Variants in TAF1 observed in about 807,000 individuals in gnomAD.
The protein encoded by TAF1 is TATA-box binding protein associated factor 1, also known as transcription initiation factor TFIID subunit 1.
In TAF1, 2 loss-of-function variants were observed where a neutral mutation model predicts 138.5. That is an observed-to-expected ratio of 0.01 (90% CI 0.01 to 0.05). The LOEUF is 0.05. Ranked by LOEUF, TAF1 falls within the 10% of genes least tolerant of loss-of-function variation. The probability of loss-of-function intolerance (pLI) is 1.00; values close to 1 mark genes in which losing one functional copy is unlikely to be tolerated. For missense variants in TAF1, 709 were observed against 1,478.0 expected (o/e 0.48, Z 8.53); for synonymous variants, 437 against 503.2 (o/e 0.87, Z 1.76).
chrX:71,439,882 T>G (rs2037326493), intron 32 of TAF1, among the ~76,000 whole-genome samples: 1 of 112,043 alleles, frequency 8.9e-6, no homozygotes, highest in Non-Finnish European at 1.9e-5. Context: ...ATAGCTGTAC[T>G]TCAGTATCAA....
At chrX:71,494,617 A>G (rs1454314502) in intron 13 of TAF1, among the ~76,000 whole-genome samples, 1 of 111,553 alleles carries the variant, frequency 9.0e-6, no homozygotes, top group Non-Finnish European at 1.9e-5. Flanking sequence ...AAGTGAGTCT[A>G]CTATATAGAG....
intron 17 of TAF1, 45 bp downstream of exon 17, chrX:71,388,913 G>GTT (rs765645687): frequency 9.3e-5 from 90 of 967,758 alleles, no homozygotes; most frequent in South Asian, 1.0e-4. Flanking sequence ...GTGGTTTTTT[G>GTT]TTTTTTTTTT....
At chrX:71,452,270 G>A (rs1159931999) in intron 32 of TAF1, among the ~76,000 whole-genome samples, 7 of 110,493 alleles carry the variant, frequency 6.3e-5, no homozygotes, top group Non-Finnish European at 9.5e-5. Context: ...CAGACGGGGC[G>A]GCTGCCGGGC....
At chrX:71,436,453 G>A (rs2037149690) in intron 32 of TAF1, among the ~76,000 whole-genome samples, 3 of 108,862 alleles carry the variant, frequency 2.8e-5, no homozygotes, top group African/African-American at 1.0e-4. Context: ...CTGACCTCGT[G>A]ATCCGCCTGC....
At chrX:71,420,538 T>G (rs879006559) in intron 28 of TAF1, 1 of 1,207,377 alleles carries the variant, frequency 8.3e-7, no homozygotes, top group Middle Eastern at 3.1e-4. Flanking sequence ...GGCCAGCATT[T>G]CCTGGAGGTG....
intron 13 of TAF1, 115 bp downstream of exon 13, chrX:71,384,250 C>T: frequency 1.2e-6 from 1 of 836,909 alleles, no homozygotes; most frequent in Non-Finnish European, 1.7e-6. Flanking sequence ...AAACTGCAAA[C>T]TTACATACAA....
chrX:71,396,148 C>CA (rs1224922684), intron 22 of TAF1, among the ~76,000 whole-genome samples: 293 of 78,129 alleles, frequency 3.8e-3, no homozygotes, highest in African/African-American at 0.011. Context: ...AACTCCGTCT[C>CA]AAAAAAAAAA....
chrX:71,488,757 T>C (rs1439713123), intron 13 of TAF1, among the ~76,000 whole-genome samples: 1 of 111,077 alleles, frequency 9.0e-6, no homozygotes, highest in Non-Finnish European at 1.9e-5. Flanking sequence ...CCAGGCAGTA[T>C]GCTAGGGCAC....
chrX:71,423,256 C>G lies in TAF1; in HGVS notation c.4575+17C>G. 1 of 1,210,232 alleles carries G rather than the reference C, an allele frequency of 8.3e-7. No homozygotes were observed. Among genetic ancestry groups the G allele is most frequent in the Non-Finnish European group, 1.1e-6 (1 of 894,698 alleles). The stretch of plus-strand genomic sequence containing the variant: ...GTTCCAGATGTAAGCTGTCTCTGTG[C>G]CAAATACTGTGAGGATCGTGCAGGG... On this transcript the variant is annotated intron_variant, in intron 30 of 37. Transcript: ENST00000423759.
intron 28 of TAF1, among the ~76,000 whole-genome samples, chrX:71,420,894 C>T (rs989035406): frequency 2.7e-5 from 3 of 112,670 alleles, no homozygotes; most frequent in East Asian, 5.6e-4. Context: ...GCCCCCTCCC[C>T]GGCCTCCCCA....
chrX:71,464,599 G>A lies in TAF1; in HGVS notation c.*553G>A, dbSNP rs1305458356. The A allele has an allele frequency of 1.6e-5, 3 of 187,507 alleles. No individual in the cohort carries two copies. The highest frequency in any genetic ancestry group is 3.0e-4 in the South Asian group (1 of 3,340). The allele number at this position is 187,507 out of a possible 1,213,427, so 15.5% of individuals were successfully genotyped here. On this transcript the variant is annotated 3_prime_UTR_variant, in exon 38 of 38. Coordinates refer to ENST00000423759, the MANE Select transcript of TAF1 (RefSeq NM_004606.5). ...GTATGCCTGTTAATCCTAGCTACTC[G>A]GGAGGCTGAGGCAGGAGAATTACTT...
At chrX:71,384,894 G>A in intron 13 of TAF1, 51 bp from the exon 14 acceptor site, 1 of 952,825 alleles carries the variant, frequency 1.0e-6, no homozygotes, top group Non-Finnish European at 1.5e-6. Context: ...GTCATATTGT[G>A]TAGGATTATT....
At chrX:71,459,379 T>C in intron 35 of TAF1, 173 bp from the exon 36 acceptor site, 1 of 1,018,981 alleles carries the variant, frequency 9.8e-7, no homozygotes, top group Non-Finnish European at 1.3e-6. Context: ...AATCTGACTT[T>C]AATCCTTGGG....
chrX:71,508,973 A>C (rs934958246), intron 13 of TAF1, among the ~76,000 whole-genome samples: 35 of 108,531 alleles, frequency 3.2e-4, no homozygotes, highest in Non-Finnish European at 5.1e-4. Context: ...CAGCCAATTA[A>C]ATTTTTTTTT....
chrX:71,448,820 CTT>C (rs760089481), intron 32 of TAF1, among the ~76,000 whole-genome samples: 6 of 92,397 alleles, frequency 6.5e-5, no homozygotes, highest in Admixed American at 1.2e-4. Flanking sequence ...TTTTCTTTTT[CTT>C]TTTTTTTTTT....
intron 25 of TAF1, 59 bp from the exon 26 acceptor site, chrX:71,406,579 T>A: frequency 9.0e-7 from 1 of 1,106,061 alleles, no homozygotes; most frequent in Non-Finnish European, 1.2e-6. Flanking sequence ...ATAGTTGCTT[T>A]TTTTCCCCCT....
intron 25 of TAF1, among the ~76,000 whole-genome samples, chrX:71,403,589 A>G (rs59794400): frequency 0.074 from 8,255 of 111,349 alleles, 678 homozygotes; most frequent in African/African-American, 0.24. Flanking sequence ...TTTTTTCTTT[A>G]TAATTAACAT....
At chrX:71,526,337 A>G (rs2039997933) in intron 13 of TAF1, among the ~76,000 whole-genome samples, 1 of 112,374 alleles carries the variant, frequency 8.9e-6, no homozygotes, top group South Asian at 3.6e-4. Context: ...TAGAAATCTA[A>G]GATCATCTAA....
intron 3 of TAF1, among the ~76,000 whole-genome samples, chrX:71,369,629 G>A (rs1397863050): frequency 1.0e-5 from 1 of 98,475 alleles, no homozygotes; most frequent in African/African-American, 3.8e-5. Flanking sequence ...TTTTTGAGAC[G>A]GAGTCTCGCT....
Sources: allele counts gnomAD v4.1 joint callset (sites outside exome capture counted in the v4.1 genomes callset), GRCh38; gene constraint gnomAD v4.1.1; transcripts MANE v1.5; gene names NCBI Gene and HGNC (gene_info 2026-07-23, HGNC 2026-07-21).